Variants in GALNTL6 observed in about 807,000 individuals in gnomAD.
The protein encoded by GALNTL6 is polypeptide N-acetylgalactosaminyltransferase like 6.
GALNTL6 carries 46 observed loss-of-function variants against 73.7 expected under a neutral mutation model. The observed-to-expected ratio is 0.62, with a 90% confidence interval of 0.49 to 0.80. The LOEUF is 0.80. Among genes scored for constraint, GALNTL6 ranks in the 30% least tolerant of loss-of-function variants. GALNTL6 has a pLI of 0.00. For missense variants in GALNTL6, 604 were observed against 755.0 expected (o/e 0.80, Z 2.34); for synonymous variants, 259 against 263.7 (o/e 0.98, Z 0.17).
At chr4:171,932,226 T>C (rs1738207076) in intron 2 of GALNTL6, among the ~76,000 whole-genome samples, 1 of 152,198 alleles carries the variant, frequency 6.6e-6, no homozygotes, top group African/African-American at 2.4e-5. Flanking sequence ...TAGAGTACCT[T>C]TGATGGCATA....
At chr4:172,392,566 C>T (rs537211060) in intron 5 of GALNTL6, among the ~76,000 whole-genome samples, 282 of 151,848 alleles carry the variant, frequency 1.9e-3, no homozygotes, top group Non-Finnish European at 3.4e-3. Flanking sequence ...AGCCACCATT[C>T]CTGGGCAATT....
chr4:172,578,110 T>C (rs557256751), intron 5 of GALNTL6, among the ~76,000 whole-genome samples: 9 of 152,316 alleles, frequency 5.9e-5, no homozygotes, highest in African/African-American at 2.2e-4. Context: ...GCAGTACTCA[T>C]GTAAAAAATT....
intron 2 of GALNTL6, among the ~76,000 whole-genome samples, chr4:171,988,692 T>G (rs1018592080): frequency 6.6e-6 from 1 of 151,916 alleles, no homozygotes; most frequent in Middle Eastern, 3.4e-3. Flanking sequence ...GTAAGGAGAG[T>G]GTATAGGCTT....
intron 2 of GALNTL6, among the ~76,000 whole-genome samples, chr4:171,961,145 C>A (rs1379023478): frequency 6.6e-6 from 1 of 152,124 alleles, no homozygotes; most frequent in South Asian, 2.1e-4. Flanking sequence ...CACCAATTCT[C>A]CAATTGTGTC....
intron 5 of GALNTL6, among the ~76,000 whole-genome samples, chr4:172,780,573 G>T (rs1300223753): frequency 1.3e-5 from 2 of 152,150 alleles, no homozygotes; most frequent in African/African-American, 4.8e-5. Context: ...TTGTTGATTT[G>T]AAATTTCTAA....
chr4:172,250,979 T>A (rs1737845404), intron 3 of GALNTL6, among the ~76,000 whole-genome samples: 1 of 152,246 alleles, frequency 6.6e-6, no homozygotes, highest in Non-Finnish European at 1.5e-5. Context: ...TACCTCTTTT[T>A]AAATACAGAC....
At chr4:172,777,910 A>G (rs1464638672) in intron 5 of GALNTL6, among the ~76,000 whole-genome samples, 3 of 152,218 alleles carry the variant, frequency 2.0e-5, no homozygotes, top group Admixed American at 6.5e-5. Context: ...GGGGCTTTGC[A>G]TATGCACACA....
intron 5 of GALNTL6, among the ~76,000 whole-genome samples, chr4:172,356,645 T>C (rs761675095): frequency 1.6e-4 from 24 of 152,182 alleles, no homozygotes; most frequent in Admixed American, 3.9e-4. Flanking sequence ...GAATTAAATG[T>C]TTTATGTCAA....
intron 2 of GALNTL6, among the ~76,000 whole-genome samples, chr4:171,878,713 GC>G (rs1171813879): frequency 6.6e-6 from 1 of 152,074 alleles, no homozygotes; most frequent in African/African-American, 2.4e-5. Context: ...ATATGGTATG[GC>G]TCTGTGTCCC....
chr4:172,011,067 G>T (rs1466724271), intron 2 of GALNTL6, among the ~76,000 whole-genome samples: 1 of 151,984 alleles, frequency 6.6e-6, no homozygotes, highest in Non-Finnish European at 1.5e-5. Context: ...ATTTTAATTT[G>T]CACAACAAAT....
chr4:172,427,589 G>T (rs916784306), intron 5 of GALNTL6, among the ~76,000 whole-genome samples: 4 of 152,002 alleles, frequency 2.6e-5, no homozygotes, highest in African/African-American at 9.7e-5. Flanking sequence ...AATAATGTTA[G>T]GAAAAAATAT....
chr4:172,239,214 A>T (rs879475140), intron 3 of GALNTL6, among the ~76,000 whole-genome samples: 1 of 152,192 alleles, frequency 6.6e-6, no homozygotes, highest in Non-Finnish European at 1.5e-5. Flanking sequence ...TTGGCTGTGA[A>T]TCCATCTGGA....
intron 2 of GALNTL6, among the ~76,000 whole-genome samples, chr4:171,919,391 A>G (rs1737717109): frequency 1.3e-5 from 2 of 152,042 alleles, no homozygotes; most frequent in South Asian, 2.1e-4. Flanking sequence ...TCATCCCCCA[A>G]ATGATCTCAA....
intron 3 of GALNTL6, among the ~76,000 whole-genome samples, chr4:172,304,007 A>G (rs1340099379): frequency 6.6e-6 from 1 of 152,196 alleles, no homozygotes; most frequent in Non-Finnish European, 1.5e-5. Flanking sequence ...TCACCCAAAG[A>G]CATAAAGACA....
At chr4:173,035,239 C>T (rs368918080) in intron 12 of GALNTL6, among the ~76,000 whole-genome samples, 14 of 147,214 alleles carry the variant, frequency 9.5e-5, no homozygotes, top group African/African-American at 3.0e-4. Flanking sequence ...AGTGCAATGG[C>T]GCAATCTCGG....
chr4:172,265,815 A>G (rs1738432723), intron 3 of GALNTL6, among the ~76,000 whole-genome samples: 1 of 152,102 alleles, frequency 6.6e-6, no homozygotes, highest in Non-Finnish European at 1.5e-5. Context: ...CAAACATAGT[A>G]TATTAATCTC....
At chr4:172,344,451 G>A (rs1027430802) in intron 4 of GALNTL6, among the ~76,000 whole-genome samples, 16 of 152,132 alleles carry the variant, frequency 1.1e-4, no homozygotes, top group Admixed American at 7.2e-4. Flanking sequence ...GCTTTCCTTA[G>A]AGTGAAAATC....
At chr4:172,830,900 C>A (rs147733196) in intron 7 of GALNTL6, among the ~76,000 whole-genome samples, 1 of 152,136 alleles carries the variant, frequency 6.6e-6, no homozygotes, top group Admixed American at 6.5e-5. Flanking sequence ...TAGCGCACGC[C>A]TGTAATCCCA....
rs1030673586 is a variant in GALNTL6, at chr4:172,514,950, G to C, written c.553+166261G>C. The stretch of plus-strand genomic sequence containing the variant: ...ACACCTTGGACACTCCCAGTTTTTT[G>C]GCTATCTCTCAGAATTTGCAGTGGC... On this transcript the variant is annotated intron_variant, in intron 5 of 12. Transcript: ENST00000506823. 1.2e-4 allele frequency among the ~76,000 whole-genome samples: 19 copies of C among 152,224 alleles called. No individual in the cohort carries two copies. The South Asian group carries it at 2.5e-3, about 20-fold the overall frequency.
Sources: allele counts gnomAD v4.1 joint callset (sites outside exome capture counted in the v4.1 genomes callset), GRCh38; gene constraint gnomAD v4.1.1; transcripts MANE v1.5; gene names NCBI Gene and HGNC (gene_info 2026-07-23, HGNC 2026-07-21).